The following KCND3 variants were observed in gnomAD, a reference collection of about 807,000 sequenced individuals.
KCND3 encodes potassium voltage-gated channel subfamily D member 3.
KCND3 carries 9 observed loss-of-function variants against 51.1 expected under a neutral mutation model. The ratio of observed to expected loss-of-function variants is 0.18; its 90% CI spans 0.11 to 0.31. KCND3 has a LOEUF of 0.31. Ranked by LOEUF, KCND3 falls within the 10% of genes least tolerant of loss-of-function variation. The probability of loss-of-function intolerance (pLI) is 1.00; values close to 1 mark genes in which losing one functional copy is unlikely to be tolerated. For missense variants in KCND3, 526 were observed against 903.8 expected (o/e 0.58, Z 5.36); for synonymous variants, 349 against 368.0 (o/e 0.95, Z 0.59).
At chr1:111,903,477 C>T (rs1670489965) in intron 2 of KCND3, among the ~76,000 whole-genome samples, 1 of 152,242 alleles carries the variant, frequency 6.6e-6, no homozygotes. Context: ...TGCTCAGGCT[C>T]AGAGTGATGC....
intron 2 of KCND3, among the ~76,000 whole-genome samples, chr1:111,817,684 C>T (rs1666160344): frequency 6.6e-6 from 1 of 152,142 alleles, no homozygotes; most frequent in Non-Finnish European, 1.5e-5. Context: ...GATCATGCCT[C>T]ACATTTCTAA....
intron 2 of KCND3, among the ~76,000 whole-genome samples, chr1:111,973,863 T>C (rs955440593): frequency 1.2e-4 from 18 of 152,318 alleles, no homozygotes; most frequent in African/African-American, 4.3e-4. Flanking sequence ...ATGAGGGTGA[T>C]AGGATCTTAC....
At chr1:111,819,621 A>G (rs543996336) in intron 2 of KCND3, among the ~76,000 whole-genome samples, 179 of 152,264 alleles carry the variant, frequency 1.2e-3, no homozygotes, top group Non-Finnish European at 2.0e-3. Flanking sequence ...AGAGGGGCGG[A>G]AGAGGAGCAG....
intron 2 of KCND3, among the ~76,000 whole-genome samples, chr1:111,829,686 C>T (rs1323031679): frequency 6.6e-5 from 10 of 152,156 alleles, no homozygotes; most frequent in Admixed American, 5.2e-4. Flanking sequence ...TCCCTCGTCC[C>T]GCCCTCCATT....
chr1:111,911,093 T>C (rs1670922676), intron 2 of KCND3, among the ~76,000 whole-genome samples: 1 of 152,204 alleles, frequency 6.6e-6, no homozygotes, highest in African/African-American at 2.4e-5. Flanking sequence ...ATGACCTTTT[T>C]GCTCTTTTTA....
At position 111,959,057 on chromosome 1, in the gene KCND3, C is replaced by T. The variant is rs559608345; in HGVS notation, c.1106+22564G>A. Among the ~76,000 whole-genome samples, 37 of 152,336 alleles carry T rather than the reference C, an allele frequency of 2.4e-4. No individual in the cohort carries two copies. In the South Asian group the frequency reaches 6.8e-3, roughly 28 times the overall value. On this transcript the variant is annotated intron_variant, in intron 2 of 7. Coordinates refer to ENST00000302127, the MANE Select transcript of KCND3 (RefSeq NM_001378969.1). ...ACTCTCGCACACACACTCACAGAGTCAGCCAGACTGCATAACAGTTAGGCA... is the reference window on the plus strand; with the variant it reads ...ACTCTCGCACACACACTCACAGAGTTAGCCAGACTGCATAACAGTTAGGCA...
intron 2 of KCND3, among the ~76,000 whole-genome samples, chr1:111,796,499 C>T (rs1013104475): frequency 2.0e-5 from 3 of 152,080 alleles, no homozygotes; most frequent in African/African-American, 7.2e-5. Context: ...GAGCTGGAGG[C>T]CATTTTCCTT....
intron 2 of KCND3, among the ~76,000 whole-genome samples, chr1:111,900,305 C>T (rs890601201): frequency 2.0e-5 from 3 of 152,136 alleles, no homozygotes; most frequent in African/African-American, 4.8e-5. Flanking sequence ...AGCATTTCCC[C>T]GGACCTGCCT....
At chr1:111,837,497 G>A (rs1333567300) in intron 2 of KCND3, among the ~76,000 whole-genome samples, 1 of 152,208 alleles carries the variant, frequency 6.6e-6, no homozygotes, top group Non-Finnish European at 1.5e-5. Flanking sequence ...CTAAGCATGA[G>A]AATAGTTTAG....
At chr1:111,941,813 G>T (rs1306195675) in intron 2 of KCND3, among the ~76,000 whole-genome samples, 1 of 152,204 alleles carries the variant, frequency 6.6e-6, no homozygotes, top group African/African-American at 2.4e-5. Context: ...CTTTGACATA[G>T]GAAACAGCTT....
intron 2 of KCND3, among the ~76,000 whole-genome samples, chr1:111,788,149 T>TG (rs1664688283): frequency 6.6e-6 from 1 of 152,268 alleles, no homozygotes; most frequent in Non-Finnish European, 1.5e-5. Flanking sequence ...CCAGAGCCTC[T>TG]GTCCCTCCAA....
At chr1:111,834,895 C>T (rs1434439723) in intron 2 of KCND3, among the ~76,000 whole-genome samples, 1 of 152,220 alleles carries the variant, frequency 6.6e-6, no homozygotes, top group African/African-American at 2.4e-5. Flanking sequence ...ATGCTTCAGT[C>T]TGTCAATATC....
rs370453605 is a variant in KCND3 at position 111,982,031 on chromosome 1, C to T, written c.696G>A (p.Ala232=). The part of the protein sequence containing the change: ...YSVAFFCLDT[A]CVMIFTVEYL... ...ACTCCACGGTGAAGATCATGACGCA[C>T]GCCGTGTCCAGGCAGAAGAAGGCCA... Residue 232 remains alanine (A), a synonymous_variant, in exon 2 of 8, where the codon GCG becomes GCA. Transcript: ENST00000302127. This position sits in a 1 kb window ranked among gnomAD's most constrained non-coding sequence, Gnocchi z 8.5. The T allele has an allele frequency of 3.2e-5, 52 of 1,613,826 alleles. No homozygotes were observed. In the African/African-American group the frequency reaches 6.0e-4, roughly 19 times the overall value.
chr1:111,802,457 T>C (rs1665358580), intron 2 of KCND3, among the ~76,000 whole-genome samples: 1 of 152,226 alleles, frequency 6.6e-6, no homozygotes, highest in African/African-American at 2.4e-5. Context: ...GGCCTGCAAG[T>C]CTGCATCTTC....
At chr1:111,850,342 C>A (rs1667753877) in intron 2 of KCND3, among the ~76,000 whole-genome samples, 1 of 152,168 alleles carries the variant, frequency 6.6e-6, no homozygotes, top group Admixed American at 6.5e-5. Flanking sequence ...AGCACCCCCA[C>A]CCCAGTGTGC....
intron 2 of KCND3, among the ~76,000 whole-genome samples, chr1:111,825,267 T>C (rs189615073): frequency 3.9e-5 from 6 of 152,304 alleles, no homozygotes; most frequent in African/African-American, 1.4e-4. Context: ...TGTTAGTATT[T>C]TTTGACCCAT....
At chr1:111,891,078 C>T (rs1284717420) in intron 2 of KCND3, among the ~76,000 whole-genome samples, 1 of 152,174 alleles carries the variant, frequency 6.6e-6, no homozygotes, top group African/African-American at 2.4e-5. Context: ...AACCAGCTCT[C>T]CACTTACTAG....
intron 2 of KCND3, among the ~76,000 whole-genome samples, chr1:111,873,887 G>A (rs1305107715): frequency 5.3e-5 from 8 of 152,068 alleles, no homozygotes; most frequent in South Asian, 4.2e-4. Flanking sequence ...AGGGGAGAAC[G>A]GAGAATGATT....
At chr1:111,829,213 G>A (rs1666718331) in intron 2 of KCND3, among the ~76,000 whole-genome samples, 2 of 152,188 alleles carry the variant, frequency 1.3e-5, no homozygotes, top group African/African-American at 4.8e-5. Flanking sequence ...CGGTTGCAGG[G>A]ATATGGGGCG....
Sources: allele counts gnomAD v4.1 joint callset (sites outside exome capture counted in the v4.1 genomes callset), GRCh38; gene constraint gnomAD v4.1.1; non-coding constraint Gnocchi (gnomAD v3.1); transcripts MANE v1.5; gene names NCBI Gene and HGNC (gene_info 2026-07-23, HGNC 2026-07-21).